The following TNFSF4 variants were observed in gnomAD, a reference collection of about 807,000 sequenced individuals.
The protein encoded by TNFSF4 is tumor necrosis factor ligand superfamily member 4.
Under a neutral mutation model 7.3 loss-of-function variants are expected in TNFSF4, and 4 were observed. That is an observed-to-expected ratio of 0.55 (90% confidence interval 0.27 to 1.25). The LOEUF is 1.25. Ranked by LOEUF, TNFSF4 falls within the 50% of genes most tolerant of loss-of-function variation. TNFSF4 has a pLI of 0.12. For synonymous variants in TNFSF4, 76 were observed against 83.7 expected, an observed-to-expected ratio of 0.91 and a Z score of 0.50; for missense variants, 181 against 208.8, an observed-to-expected ratio of 0.87 and a Z score of 0.82.
chr1:173,277,362 T>C, the TNFSF4 span, among the ~76,000 whole-genome samples: 1 of 151,906 alleles, frequency 6.6e-6, no homozygotes, highest in Non-Finnish European at 1.5e-5. Context: ...AACTTGGGAG[T>C]CTGAGAGATT....
chr1:173,443,976 C>T, the TNFSF4 span, among the ~76,000 whole-genome samples: 1 of 152,060 alleles, frequency 6.6e-6, no homozygotes, highest in African/African-American at 2.4e-5. Context: ...TCTTTGTTGC[C>T]ACAGAGGCCT....
chr1:173,398,840 G>A, the TNFSF4 span, among the ~76,000 whole-genome samples: 28 of 152,150 alleles, frequency 1.8e-4, no homozygotes, highest in African/African-American at 5.8e-4. Context: ...AAAGAGGCAC[G>A]ATGCCTACTG....
chr1:173,243,663 C>T, the TNFSF4 span, among the ~76,000 whole-genome samples: 1 of 152,166 alleles, frequency 6.6e-6, no homozygotes, highest in South Asian at 2.1e-4. Context: ...ATATCATCAC[C>T]CCCTGCCATA....
chr1:173,432,821 T>TA, the TNFSF4 span, among the ~76,000 whole-genome samples: 2 of 152,160 alleles, frequency 1.3e-5, no homozygotes, highest in African/African-American at 2.4e-5. Context: ...ATTTCTTAGG[T>TA]AAATTTTGTG....
chr1:173,405,440 G>A, the TNFSF4 span, among the ~76,000 whole-genome samples: 17 of 152,322 alleles, frequency 1.1e-4, no homozygotes, highest in Non-Finnish European at 2.2e-4. Context: ...CAGCAGGCTG[G>A]AATTGGCCCA....
At chr1:173,425,411 G>T in the TNFSF4 span, among the ~76,000 whole-genome samples, 1 of 152,136 alleles carries the variant, frequency 6.6e-6, no homozygotes, top group East Asian at 1.9e-4. Context: ...TAAGAGAATA[G>T]CACTGGGAAT....
the TNFSF4 span, among the ~76,000 whole-genome samples, chr1:173,380,012 G>A: frequency 7.9e-5 from 12 of 152,172 alleles, no homozygotes; most frequent in Admixed American, 5.2e-4. Context: ...ACTGAGCGCC[G>A]GGTACGTTTG....
chr1:173,246,136 T>C, the TNFSF4 span, among the ~76,000 whole-genome samples: 3 of 152,214 alleles, frequency 2.0e-5, no homozygotes, highest in African/African-American at 7.2e-5. Flanking sequence ...CTATTTTTAA[T>C]TTGAGAAACA....
the TNFSF4 span, among the ~76,000 whole-genome samples, chr1:173,423,008 G>A: frequency 6.6e-6 from 1 of 150,616 alleles, no homozygotes; most frequent in Non-Finnish European, 1.5e-5. Context: ...TCGCTCTGTT[G>A]CCCACACTGG....
At chr1:173,281,906 A>G in the TNFSF4 span, among the ~76,000 whole-genome samples, 44 of 152,196 alleles carry the variant, frequency 2.9e-4, no homozygotes, top group Admixed American at 1.7e-3. Context: ...CCAGTCACAC[A>G]TCACTAACTG....
At chr1:173,398,962 T>G in the TNFSF4 span, among the ~76,000 whole-genome samples, 2 of 152,144 alleles carry the variant, frequency 1.3e-5, no homozygotes, top group Admixed American at 1.3e-4. Flanking sequence ...ATAACTTCTG[T>G]CTTGTTGAGA....
the TNFSF4 span, among the ~76,000 whole-genome samples, chr1:173,288,641 T>A: frequency 1.3e-5 from 2 of 152,152 alleles, no homozygotes; most frequent in Non-Finnish European, 2.9e-5. Flanking sequence ...TGTTGTTATA[T>A]TAGAACACAT....
chr1:173,334,986 A>G, the TNFSF4 span, among the ~76,000 whole-genome samples: 1 of 152,184 alleles, frequency 6.6e-6, no homozygotes, highest in African/African-American at 2.4e-5. Context: ...AATCAGAGGA[A>G]CATGTGTAGG....
chr1:173,283,972 T>C, the TNFSF4 span, among the ~76,000 whole-genome samples: 1 of 148,152 alleles, frequency 6.7e-6, no homozygotes, highest in Admixed American at 6.7e-5. Context: ...TCATAAGTAC[T>C]ACTCCAGTGA....
the TNFSF4 span, among the ~76,000 whole-genome samples, chr1:173,349,794 T>A: frequency 6.6e-6 from 1 of 152,354 alleles, no homozygotes; most frequent in South Asian, 2.1e-4. Context: ...TATAGATTTT[T>A]AATTTAAAAC....
the TNFSF4 span, among the ~76,000 whole-genome samples, chr1:173,274,416 T>G: frequency 6.6e-6 from 1 of 152,102 alleles, no homozygotes; most frequent in African/African-American, 2.4e-5. Flanking sequence ...AAAAGCTGGG[T>G]TGCAGAATCA....
At chr1:173,369,843 T>A in the TNFSF4 span, among the ~76,000 whole-genome samples, 2 of 152,142 alleles carry the variant, frequency 1.3e-5, no homozygotes, top group African/African-American at 4.8e-5. Context: ...CAAGCTTTTT[T>A]TTTCACTGAA....
At chr1:173,337,388 G>A in the TNFSF4 span, among the ~76,000 whole-genome samples, 2 of 152,102 alleles carry the variant, frequency 1.3e-5, no homozygotes, top group Non-Finnish European at 2.9e-5. Context: ...ATCATCAAAG[G>A]GAAGTGGTAA....
At chr1:173,380,215 C>G in the TNFSF4 span, among the ~76,000 whole-genome samples, 10 of 152,246 alleles carry the variant, frequency 6.6e-5, no homozygotes, top group South Asian at 2.1e-4. Context: ...TGCATTTCTT[C>G]TTATGCCTGA....
Sources: allele counts gnomAD v4.1 joint callset (sites outside exome capture counted in the v4.1 genomes callset), GRCh38; gene constraint gnomAD v4.1.1; transcripts MANE v1.5; gene names NCBI Gene and HGNC (gene_info 2026-07-23, HGNC 2026-07-21).